CSMD1: variants seen among roughly 807,000 people sequenced by gnomAD.
The protein encoded by CSMD1 is CUB and sushi domain-containing protein 1.
A neutral mutation model predicts 417.5 loss-of-function variants in CSMD1; 213 were observed. The ratio of observed to expected loss-of-function variants is 0.51; its 90% confidence interval spans 0.46 to 0.57. The LOEUF is 0.57. Among genes scored for constraint, CSMD1 ranks in the 20% least tolerant of loss-of-function variants. The pLI, the probability that CSMD1 is intolerant of heterozygous loss-of-function variation, is 0.00. For synonymous variants in CSMD1, 2,862 were observed against 1,736.8 expected, an observed-to-expected ratio of 1.65 and a Z score of -16.11; for missense variants, 6,923 against 4,529.7, an observed-to-expected ratio of 1.53 and a Z score of -15.17.
At chr8:4,282,901 A>C (rs979430363) in intron 3 of CSMD1, among the ~76,000 whole-genome samples, 3 of 152,208 alleles carry the variant, frequency 2.0e-5, no homozygotes, top group African/African-American at 7.2e-5. Flanking sequence ...GGTTGAACTT[A>C]CCACAGTTCA....
At chr8:4,946,632 A>G (rs938687306) in intron 1 of CSMD1, among the ~76,000 whole-genome samples, 11 of 152,210 alleles carry the variant, frequency 7.2e-5, no homozygotes, top group Admixed American at 5.9e-4. Context: ...AATTTATGCC[A>G]TATTTAGAAT....
At chr8:4,767,711 T>C (rs1455884405) in intron 1 of CSMD1, among the ~76,000 whole-genome samples, 1 of 152,214 alleles carries the variant, frequency 6.6e-6, no homozygotes, top group Non-Finnish European at 1.5e-5. Flanking sequence ...CCAGGCTGGA[T>C]GAAACACCAC....
At chr8:4,293,126 T>A (rs1410400984) in intron 3 of CSMD1, among the ~76,000 whole-genome samples, 4 of 152,120 alleles carry the variant, frequency 2.6e-5, no homozygotes, top group Non-Finnish European at 4.4e-5. Context: ...AGCATCGCCC[T>A]CTCAGTTTTG....
intron 33 of CSMD1, among the ~76,000 whole-genome samples, chr8:3,196,778 T>C (rs1394314827): frequency 6.6e-6 from 1 of 152,172 alleles, no homozygotes; most frequent in African/African-American, 2.4e-5. Flanking sequence ...ATACTGCTCC[T>C]TCCATCACTG....
chr8:4,618,741 A>T (rs1801616707), intron 2 of CSMD1, among the ~76,000 whole-genome samples: 1 of 152,170 alleles, frequency 6.6e-6, no homozygotes, highest in Non-Finnish European at 1.5e-5. Context: ...TTCAACACTG[A>T]GTAAAAATGT....
chr8:4,384,027 A>C (rs76120339), intron 3 of CSMD1, among the ~76,000 whole-genome samples: 14,250 of 147,692 alleles, frequency 0.096, 799 homozygotes, highest in South Asian at 0.2. Flanking sequence ...CCCCCGCCTC[A>C]TAACAGATGT....
intron 49 of CSMD1, among the ~76,000 whole-genome samples, chr8:3,076,327 G>A (rs1563312131): frequency 1.3e-5 from 2 of 152,222 alleles, no homozygotes; most frequent in Non-Finnish European, 2.9e-5. Context: ...CTCTTTGTAT[G>A]AGGACACCAG....
chr8:3,306,257 T>A (rs1044713275), intron 25 of CSMD1, among the ~76,000 whole-genome samples: 2 of 152,242 alleles, frequency 1.3e-5, no homozygotes, highest in Non-Finnish European at 2.9e-5. Context: ...CATTTGTTTA[T>A]AAATATTTTT....
intron 7 of CSMD1, among the ~76,000 whole-genome samples, chr8:3,631,715 C>G (rs949868932): frequency 2.0e-5 from 3 of 152,114 alleles, no homozygotes; most frequent in African/African-American, 7.2e-5. Context: ...TTTTACTGTT[C>G]GAGAAAAACT....
At position 4,540,229 on chromosome 8, in the gene CSMD1, C is replaced by T. The variant is rs933354411; in HGVS notation, c.302+97113G>A. On this transcript the variant is annotated intron_variant, in intron 2 of 69. Coordinates refer to ENST00000635120, the MANE Select transcript of CSMD1 (RefSeq NM_033225.6). ...TGCTTTAAACTGCTGCTGGTTTGCT[C>T]AGATAATGTGGTAGATTCCAGCAAG... 6.6e-5 allele frequency among the ~76,000 whole-genome samples: 10 copies of T among 152,258 alleles called. No individual in the cohort carries two copies. In the East Asian group the frequency reaches 1.9e-3, roughly 29 times the overall value.
At chr8:3,094,800 CAAA>C (rs33991879) in intron 47 of CSMD1, among the ~76,000 whole-genome samples, 1,963 of 105,410 alleles carry the variant, frequency 0.019, 13 homozygotes, top group African/African-American at 0.058. Flanking sequence ...GCCCGTCTTA[CAAA>C]AAAAAAAAAA....
intron 1 of CSMD1, among the ~76,000 whole-genome samples, chr8:4,643,781 G>A (rs183439282): frequency 2.0e-5 from 3 of 152,276 alleles, no homozygotes; most frequent in East Asian, 1.9e-4. Context: ...TCTGCATTAT[G>A]GGGAAAATAA....
intron 1 of CSMD1, among the ~76,000 whole-genome samples, chr8:4,697,969 G>GTC (rs1807245618): frequency 1.3e-5 from 2 of 152,228 alleles, no homozygotes; most frequent in South Asian, 4.1e-4. Flanking sequence ...ATGCTTAAAT[G>GTC]TAAGTATTCA....
intron 1 of CSMD1, among the ~76,000 whole-genome samples, chr8:4,875,199 T>C (rs1054364480): frequency 5.3e-5 from 8 of 152,034 alleles, no homozygotes; most frequent in African/African-American, 4.8e-5. Context: ...TGTACAGTAG[T>C]ACTTTAAAAG....
chr8:3,196,701 CA>C (rs1796722554), intron 33 of CSMD1, among the ~76,000 whole-genome samples: 1 of 152,170 alleles, frequency 6.6e-6, no homozygotes, highest in Non-Finnish European at 1.5e-5. Flanking sequence ...GCCTGAGCCA[CA>C]GCTGCAAACA....
chr8:3,898,963 A>C (rs934899258), intron 5 of CSMD1, among the ~76,000 whole-genome samples: 1 of 152,224 alleles, frequency 6.6e-6, no homozygotes, highest in Non-Finnish European at 1.5e-5. Flanking sequence ...AAAATAAAAA[A>C]CAAATGGGAC....
At chr8:3,499,959 C>T (rs191602547) in intron 10 of CSMD1, among the ~76,000 whole-genome samples, 17 of 152,214 alleles carry the variant, frequency 1.1e-4, no homozygotes, top group African/African-American at 3.1e-4. Context: ...ATGTGGGCTG[C>T]AGGTAGCTCC....
chr8:4,461,099 G>T (rs1259831664), intron 2 of CSMD1, among the ~76,000 whole-genome samples: 2 of 150,564 alleles, frequency 1.3e-5, no homozygotes, highest in East Asian at 1.9e-4. Context: ...TGCAAGATAG[G>T]CTTAGCATCT....
chr8:4,756,603 C>T (rs1811682561), intron 1 of CSMD1, among the ~76,000 whole-genome samples: 1 of 152,160 alleles, frequency 6.6e-6, no homozygotes, highest in South Asian at 2.1e-4. Context: ...GCAGATGTAT[C>T]TTCACTTTGG....
Sources: allele counts gnomAD v4.1 joint callset (sites outside exome capture counted in the v4.1 genomes callset), GRCh38; gene constraint gnomAD v4.1.1; transcripts MANE v1.5; gene names NCBI Gene and HGNC (gene_info 2026-07-23, HGNC 2026-07-21).